The following ZNF536 variants were observed in gnomAD, a reference collection of about 807,000 sequenced individuals.
ZNF536 encodes the protein zinc finger protein 536.
In ZNF536, 13 loss-of-function variants were observed where a neutral mutation model predicts 84.5. That is an observed-to-expected ratio of 0.15 (90% CI 0.10 to 0.24). The LOEUF is 0.24. Ranked by LOEUF, ZNF536 falls within the 10% of genes least tolerant of loss-of-function variation. The probability of loss-of-function intolerance (pLI) is 1.00; values close to 1 mark genes in which losing one functional copy is unlikely to be tolerated. For synonymous variants in ZNF536, 811 were observed against 742.5 expected, an observed-to-expected ratio of 1.09 and a Z score of -1.50; for missense variants, 1,536 against 1,747.5, an observed-to-expected ratio of 0.88 and a Z score of 2.16.
chr19:30,352,706 G>A (rs1189850059), intron 3 of ZNF536, among the ~76,000 whole-genome samples: 1 of 152,150 alleles, frequency 6.6e-6, no homozygotes, highest in East Asian at 1.9e-4. Context: ...CCCCATGGGG[G>A]AGGTATTCCT....
chr19:30,274,619 A>G (rs1306326165), intron 1 of ZNF536, among the ~76,000 whole-genome samples: 4 of 152,080 alleles, frequency 2.6e-5, no homozygotes, highest in Non-Finnish European at 5.9e-5. Context: ...TCCAACTTTT[A>G]TTTTAGGTTC....
chr19:30,404,527 C>T (rs754411805), intron 1 of ZNF536, among the ~76,000 whole-genome samples: 1 of 152,242 alleles, frequency 6.6e-6, no homozygotes, highest in African/African-American at 2.4e-5. Flanking sequence ...AACCATAAAA[C>T]GAATATGATA....
At chr19:30,680,499 G>A (rs909609680) in intron 1 of ZNF536, among the ~76,000 whole-genome samples, 5 of 147,352 alleles carry the variant, frequency 3.4e-5, no homozygotes, top group Non-Finnish European at 7.4e-5. Flanking sequence ...GAGAATATGC[G>A]GTGTTTGGTT....
intron 2 of ZNF536, among the ~76,000 whole-genome samples, chr19:30,528,873 A>G (rs11084553): frequency 0.095 from 14,349 of 151,378 alleles, 941 homozygotes; most frequent in Non-Finnish European, 0.14. Context: ...AAGACCCAAC[A>G]TCAGTATCTT....
chr19:30,580,129 G>T (rs902012404), intron 1 of ZNF536, among the ~76,000 whole-genome samples: 1 of 152,152 alleles, frequency 6.6e-6, no homozygotes, highest in African/African-American at 2.4e-5. Context: ...GCCCTCAGGG[G>T]ATCCATGTTC....
chr19:30,407,755 C>A (rs1600603841), intron 1 of ZNF536, among the ~76,000 whole-genome samples: 1 of 152,190 alleles, frequency 6.6e-6, no homozygotes, highest in South Asian at 2.1e-4. Flanking sequence ...ATTTTGTGAA[C>A]AGCCACTGAA....
intron 2 of ZNF536, among the ~76,000 whole-genome samples, chr19:30,340,934 T>G (rs1442813184): frequency 1.2e-4 from 18 of 152,122 alleles, no homozygotes; most frequent in Admixed American, 6.5e-4. Context: ...GCTGTGCACT[T>G]AATTCGGTTC....
chr19:30,255,590 T>A (rs2024871674), intron 1 of ZNF536, among the ~76,000 whole-genome samples: 1 of 152,194 alleles, frequency 6.6e-6, no homozygotes, highest in Admixed American at 6.5e-5. Context: ...TTAAATCTGA[T>A]CTTCTGTTCA....
At chr19:30,554,259 T>TC (rs2045888059) in intron 4 of ZNF536, 1 of 147,186 alleles carries the variant, frequency 6.8e-6, no homozygotes, top group South Asian at 2.2e-4. Context: ...TACTTTTTTT[T>TC]TTTTTTTTTT....
At chr19:30,366,362 CTCTA>C (rs10563588) in intron 3 of ZNF536, among the ~76,000 whole-genome samples, 4,655 of 146,554 alleles carry the variant, frequency 0.032, 97 homozygotes, top group African/African-American at 0.057. Flanking sequence ...CCTATCATAT[CTCTA>C]TCTATCTATC....
At chr19:30,329,596 T>C (rs2047143880) in intron 2 of ZNF536, among the ~76,000 whole-genome samples, 2 of 152,164 alleles carry the variant, frequency 1.3e-5, no homozygotes, top group African/African-American at 4.8e-5. Flanking sequence ...TGTTTAAAGT[T>C]CTTGTTGGAA....
At chr19:30,363,985 C>T (rs2048350420) in intron 3 of ZNF536, among the ~76,000 whole-genome samples, 1 of 152,094 alleles carries the variant, frequency 6.6e-6, no homozygotes, top group Non-Finnish European at 1.5e-5. Context: ...TCTGGAAAAA[C>T]TGAGGGCAGA....
At chr19:30,653,683 G>T (rs1450943800) in intron 1 of ZNF536, among the ~76,000 whole-genome samples, 1 of 146,664 alleles carries the variant, frequency 6.8e-6, no homozygotes, top group Admixed American at 6.6e-5. Flanking sequence ...AGAGAGGTGG[G>T]AGCCGCTCCC....
upstream of ZNF536, among the ~76,000 whole-genome samples, chr19:30,367,898 C>G (rs2048488739): frequency 6.6e-6 from 1 of 152,162 alleles, no homozygotes; most frequent in South Asian, 2.1e-4. Flanking sequence ...CTGCACCTTC[C>G]CATGTCGGTT....
intron 1 of ZNF536, among the ~76,000 whole-genome samples, chr19:30,670,297 G>A (rs1299581059): frequency 6.6e-6 from 1 of 152,178 alleles, no homozygotes; most frequent in Non-Finnish European, 1.5e-5. Flanking sequence ...GGATCAGCAT[G>A]CCTGAGTTCG....
At chr19:30,551,382 G>A (rs1019754019) in intron 4 of ZNF536, among the ~76,000 whole-genome samples, 4 of 152,172 alleles carry the variant, frequency 2.6e-5, no homozygotes, top group African/African-American at 7.2e-5. Flanking sequence ...GGAAGCCAAC[G>A]TCAGGGAGCC....
chr19:30,386,043 A>C (rs534529271), intron 1 of ZNF536, among the ~76,000 whole-genome samples: 11 of 152,238 alleles, frequency 7.2e-5, no homozygotes, highest in Admixed American at 2.0e-4. Context: ...GAACATTCTG[A>C]TGTCAGCTGG....
intron 1 of ZNF536, among the ~76,000 whole-genome samples, chr19:30,405,680 C>A (rs968506826): frequency 6.6e-6 from 1 of 152,078 alleles, no homozygotes; most frequent in Non-Finnish European, 1.5e-5. Flanking sequence ...TGTGATCAGT[C>A]GCCACACCCG....
At chr19:30,492,970 G>A (rs56401815) in intron 2 of ZNF536, among the ~76,000 whole-genome samples, 161 of 152,118 alleles carry the variant, frequency 1.1e-3, no homozygotes, top group African/African-American at 3.8e-3. Context: ...AAGACCTCTC[G>A]GAAATCAGCA....
Sources: allele counts gnomAD v4.1 joint callset (sites outside exome capture counted in the v4.1 genomes callset), GRCh38; gene constraint gnomAD v4.1.1; transcripts MANE v1.5; gene names NCBI Gene and HGNC (gene_info 2026-07-23, HGNC 2026-07-21).